The following DOCK4 variants were observed in gnomAD, a reference collection of about 807,000 sequenced individuals.
DOCK4 encodes the protein dedicator of cytokinesis 4, also known as dedicator of cytokinesis protein 4.
Under a neutral mutation model 268.1 loss-of-function variants are expected in DOCK4, and 97 were observed. The observed-to-expected ratio is 0.36, with a 90% confidence interval of 0.31 to 0.43. The LOEUF (loss-of-function observed/expected upper bound fraction) is 0.43, where lower values mean the gene tolerates loss of function less well. Among genes scored for constraint, DOCK4 ranks in the 20% least tolerant of loss-of-function variants. The probability of loss-of-function intolerance (pLI) is 1.00; values close to 1 mark genes in which losing one functional copy is unlikely to be tolerated. For synonymous variants in DOCK4, 954 were observed against 887.2 expected (o/e 1.08, Z -1.34); for missense variants, 2,145 against 2,455.7 (o/e 0.87, Z 2.67).
chr7:111,745,053 C>G (rs1359357158), intron 44 of DOCK4, among the ~76,000 whole-genome samples: 2 of 152,166 alleles, frequency 1.3e-5, no homozygotes, highest in Non-Finnish European at 2.9e-5. Context: ...TCCTGTTTAA[C>G]ACAGGCTTCC....
At chr7:111,812,952 G>A (rs991077620) in intron 27 of DOCK4, among the ~76,000 whole-genome samples, 9 of 152,162 alleles carry the variant, frequency 5.9e-5, no homozygotes, top group Non-Finnish European at 1.0e-4. Context: ...AGGATTTGAT[G>A]AGCATTCTTG....
chr7:111,831,948 A>C (rs1272403693), intron 26 of DOCK4, among the ~76,000 whole-genome samples: 1 of 151,950 alleles, frequency 6.6e-6, no homozygotes, highest in Non-Finnish European at 1.5e-5. Flanking sequence ...AATGATCAAC[A>C]ACTATTTCTT....
At position 111,999,372 on chromosome 7, in the gene DOCK4, G is replaced by A. The variant is rs187987170; in HGVS notation, c.163-869C>T. Reference sequence around the variant, plus strand: ...ATATATATATGTAGATTTTTAAAACGCACTTGTTTTCTTCAATATGGTAGG... The same window carrying A: ...ATATATATATGTAGATTTTTAAAACACACTTGTTTTCTTCAATATGGTAGG... On this transcript the variant is annotated intron_variant, in intron 3 of 52. Transcript: ENST00000428084. Among the ~76,000 whole-genome samples the A allele has an allele frequency of 5.0e-4, 76 of 151,936 alleles. No homozygotes were observed. The East Asian group carries it at 0.012, about 24-fold the overall frequency.
At chr7:111,774,000 G>A (rs1798288955) in intron 36 of DOCK4, among the ~76,000 whole-genome samples, 1 of 151,830 alleles carries the variant, frequency 6.6e-6, no homozygotes, top group South Asian at 2.1e-4. Context: ...CTGGGTGACA[G>A]AGTCAAACCT....
intron 12 of DOCK4, among the ~76,000 whole-genome samples, chr7:111,921,318 A>G (rs1480329582): frequency 6.6e-6 from 1 of 152,200 alleles, no homozygotes; most frequent in Admixed American, 6.5e-5. Flanking sequence ...AAGGCTTGGT[A>G]TCTTTTAAGC....
intron 8 of DOCK4, among the ~76,000 whole-genome samples, chr7:111,958,402 G>A (rs1490317502): frequency 1.3e-5 from 2 of 152,188 alleles, no homozygotes; most frequent in African/African-American, 2.4e-5. Flanking sequence ...AGCTTATCCT[G>A]TAGGGAACTT....
chr7:112,083,926 A>G (rs967246789), intron 1 of DOCK4, among the ~76,000 whole-genome samples: 1 of 152,154 alleles, frequency 6.6e-6, no homozygotes, highest in Non-Finnish European at 1.5e-5. Context: ...ACTTACTTTG[A>G]CCAACGGAAT....
intron 12 of DOCK4, among the ~76,000 whole-genome samples, chr7:111,921,464 T>G (rs1793130606): frequency 1.3e-5 from 2 of 152,314 alleles, no homozygotes; most frequent in African/African-American, 4.8e-5. Flanking sequence ...GATTTATAAG[T>G]AGCAGCTGAA....
intron 12 of DOCK4, among the ~76,000 whole-genome samples, chr7:111,920,219 A>G (rs1792987716): frequency 6.6e-6 from 1 of 152,180 alleles, no homozygotes; most frequent in Non-Finnish European, 1.5e-5. Context: ...CTAGAGAGCT[A>G]TTGTATAGCA....
intron 1 of DOCK4, among the ~76,000 whole-genome samples, chr7:112,164,028 A>G (rs541515172): frequency 1.3e-5 from 2 of 152,324 alleles, no homozygotes; most frequent in African/African-American, 4.8e-5. Flanking sequence ...CATGCGTATA[A>G]TCCCCAACAC....
At chr7:111,776,070 A>C (rs539711798) in intron 36 of DOCK4, among the ~76,000 whole-genome samples, 4 of 152,326 alleles carry the variant, frequency 2.6e-5, no homozygotes. Flanking sequence ...AAAATTCAAA[A>C]AATTAATGTC....
intron 26 of DOCK4, among the ~76,000 whole-genome samples, chr7:111,824,370 C>A (rs984466141): frequency 1.3e-5 from 2 of 152,148 alleles, no homozygotes; most frequent in African/African-American, 4.8e-5. Context: ...TTATACCCCA[C>A]TTCAGTTTCC....
At position 111,765,338 on chromosome 7, in the gene DOCK4, G is replaced by A. The variant is rs1797702276; in HGVS notation, c.3916-116C>T. ...GAACTTTATTTTAATTGAGTTTGCT[G>A]GAAAGAAAGTTTGACTTTCTTTTTG... On this transcript the variant is annotated intron_variant, in intron 38 of 52. Transcript: ENST00000428084. 4.3e-6 allele frequency: 3 copies of A among 696,912 alleles called. No individual in the cohort carries two copies. The African/African-American group carries it at 5.7e-5, about 13-fold the overall frequency. The allele number at this position is 696,912 out of a possible 1,614,324, so 43.2% of individuals were successfully genotyped here.
intron 50 of DOCK4, among the ~76,000 whole-genome samples, chr7:111,735,962 A>G (rs187887223): frequency 6.6e-6 from 1 of 152,156 alleles, no homozygotes; most frequent in Non-Finnish European, 1.5e-5. Context: ...CTTTTTCTCT[A>G]TTCTTTTAAA....
chr7:111,736,848 AAG>A, intron 50 of DOCK4, 67 bp downstream of exon 50: 1 of 1,381,918 alleles, frequency 7.2e-7, no homozygotes, highest in Non-Finnish European at 1.0e-6. Flanking sequence ...AGACACACAG[AAG>A]ACTGGAGAAC....
At chr7:112,081,257 A>G (rs748411966) in intron 1 of DOCK4, among the ~76,000 whole-genome samples, 5 of 152,166 alleles carry the variant, frequency 3.3e-5, no homozygotes, top group Non-Finnish European at 7.4e-5. Flanking sequence ...GAATGCAGGC[A>G]AGCATGACTC....
Position 111,944,875 on chromosome 7 carries a change from C to T in DOCK4, c.784-4G>A. ...TTAGCTCACTGCTGCCCAAATCCTA[C>T]AAACAAAGAAAGTTTGGTTATTTTG... On this transcript the variant is annotated splice_region_variant and splice_polypyrimidine_tract_variant and intron_variant, in intron 9 of 52. Transcript: ENST00000428084. 6.2e-7 allele frequency: 1 copy of T among 1,613,874 alleles called. No homozygotes were observed. The highest frequency in any genetic ancestry group is 1.3e-5 in the African/African-American group (1 of 75,036).
intron 36 of DOCK4, among the ~76,000 whole-genome samples, chr7:111,775,513 C>T (rs568161643): frequency 1.4e-4 from 21 of 152,248 alleles, no homozygotes; most frequent in South Asian, 1.0e-3. Context: ...AGGAAAAAAA[C>T]GAATACTCAA....
intron 5 of DOCK4, among the ~76,000 whole-genome samples, chr7:111,993,190 A>G (rs1190822363): frequency 6.6e-6 from 1 of 152,228 alleles, no homozygotes; most frequent in Non-Finnish European, 1.5e-5. Context: ...GTAACAGACA[A>G]TAAACACTAT....
Sources: gnomAD v4.1 joint callset for allele counts (sites outside exome capture counted in the v4.1 genomes callset) on GRCh38, gnomAD v4.1.1 for gene constraint, MANE v1.5 for transcripts, NCBI Gene and HGNC (gene_info 2026-07-23, HGNC 2026-07-21) for gene names.